Variants in DRAM2 observed in about 807,000 individuals in gnomAD.
The protein encoded by DRAM2 is DNA damage-regulated autophagy modulator protein 2.
A neutral mutation model predicts 33.5 loss-of-function variants in DRAM2; 26 were observed. That is an observed-to-expected ratio of 0.78 (90% confidence interval 0.57 to 1.08). The LOEUF is 1.08. Among genes scored for constraint, DRAM2 ranks in the 50% least tolerant of loss-of-function variants. The pLI is 0.00. For missense variants in DRAM2, 311 were observed against 318.1 expected (o/e 0.98, Z 0.17); for synonymous variants, 98 against 109.5 (o/e 0.89, Z 0.66).
Position 111,137,158 on chromosome 1 carries a change from CAGG to C in DRAM2, c.-15+362_-15+364del, listed in dbSNP as rs1472498200. 2.1e-5 allele frequency among the ~76,000 whole-genome samples: 3 copies of C among 146,298 alleles called. No individual in the cohort carries two copies. The East Asian group carries it at 6.0e-4, about 29-fold the overall frequency. Reference sequence around the variant, plus strand: ...GTCCCAGCTACTCGGGACGCTGAGGCAGGAGAATGGTGTGAACCCCGGGGGGCG... The same window carrying C: ...GTCCCAGCTACTCGGGACGCTGAGGCAGAATGGTGTGAACCCCGGGGGGCG... On this transcript the variant is annotated intron_variant, in intron 3 of 9. Coordinates refer to ENST00000484310, the MANE Select transcript of DRAM2 (RefSeq NM_001349884.2).
intron 7 of DRAM2, among the ~76,000 whole-genome samples, 192 bp from the exon 8 acceptor site, chr1:111,120,151 C>A (rs1256606756): frequency 6.6e-6 from 1 of 151,848 alleles, no homozygotes; most frequent in African/African-American, 2.4e-5. Flanking sequence ...CAAAATGGTT[C>A]TCACAGTCAA....
chr1:111,136,846 C>A (rs1039088396), intron 3 of DRAM2, among the ~76,000 whole-genome samples: 1 of 151,730 alleles, frequency 6.6e-6, no homozygotes, highest in African/African-American at 2.4e-5. Context: ...TGATGGCAGG[C>A]GCCTGTAGTC....
chr1:111,127,951 A>G (rs1052541864), intron 4 of DRAM2: 1 of 152,220 alleles, frequency 6.6e-6, no homozygotes, highest in African/African-American at 2.4e-5. Context: ...GATTAAAAAT[A>G]TACATAGATG....
rs1264928233 is a variant in DRAM2, at chr1:111,120,711, G to A, written c.340-18C>T. ...GTTGTTTTCTGAGAGATAGAGAGAA[G>A]AAATACGTCAATAAAAGAAACTCAG... On this transcript the variant is annotated intron_variant, in intron 6 of 9. Transcript: ENST00000484310. 7.5e-6 allele frequency: 11 copies of A among 1,459,140 alleles called. No homozygotes were observed. Among genetic ancestry groups the A allele is most frequent in the African/African-American group, 1.5e-5 (1 of 68,556 alleles). 90.4% of individuals were successfully genotyped at this position (1,459,140 alleles called of 1,614,324 possible).
intron 2 of DRAM2, among the ~76,000 whole-genome samples, 168 bp from the exon 3 acceptor site, chr1:111,137,754 A>G (rs925415545): frequency 2.0e-5 from 3 of 150,772 alleles, no homozygotes; most frequent in African/African-American, 7.4e-5. Flanking sequence ...GTTTTTTACA[A>G]TGATGTTGTA....
intron 6 of DRAM2, among the ~76,000 whole-genome samples, chr1:111,124,009 G>C (rs12083205): frequency 7.6e-4 from 116 of 152,170 alleles, no homozygotes; most frequent in Middle Eastern, 3.4e-3. Context: ...TTCTTTTATA[G>C]CACACAAAAC....
At chr1:111,118,958 T>C in intron 8 of DRAM2, 61 bp from the exon 9 acceptor site, 2 of 1,133,066 alleles carry the variant, frequency 1.8e-6, no homozygotes, top group Non-Finnish European at 1.2e-6. Flanking sequence ...CTATATACTA[T>C]GTTTCAAATA....
chr1:111,127,567 G>A (rs113442368), intron 4 of DRAM2, among the ~76,000 whole-genome samples: 1 of 151,960 alleles, frequency 6.6e-6, no homozygotes, highest in African/African-American at 2.4e-5. Context: ...AAAAGATTTT[G>A]GTACTCTTTG....
intron 6 of DRAM2, among the ~76,000 whole-genome samples, chr1:111,121,221 A>C (rs1649994173): frequency 6.6e-6 from 1 of 152,126 alleles, no homozygotes; most frequent in Non-Finnish European, 1.5e-5. Flanking sequence ...TTAACTGTAA[A>C]TAAAATTTAA....
chr1:111,134,138 G>A (rs187904038), intron 3 of DRAM2, among the ~76,000 whole-genome samples: 289 of 152,238 alleles, frequency 1.9e-3, no homozygotes, highest in Non-Finnish European at 3.1e-3. Flanking sequence ...TCCAGATTAA[G>A]GATGTTGTTA....
chr1:111,129,612 G>T (rs1430200582), intron 4 of DRAM2, among the ~76,000 whole-genome samples: 1 of 152,026 alleles, frequency 6.6e-6, no homozygotes, highest in Non-Finnish European at 1.5e-5. Flanking sequence ...AATGTCAAAT[G>T]AAAAATGTAG....
At chr1:111,123,073 C>G (rs577711276) in intron 6 of DRAM2, among the ~76,000 whole-genome samples, 20 of 152,136 alleles carry the variant, frequency 1.3e-4, no homozygotes, top group Non-Finnish European at 2.2e-4. Context: ...TTAAATTGAC[C>G]AAGAGACAGA....
intron 3 of DRAM2, among the ~76,000 whole-genome samples, chr1:111,132,972 G>A (rs1442035170): frequency 6.6e-6 from 1 of 151,920 alleles, no homozygotes; most frequent in African/African-American, 2.4e-5. Flanking sequence ...GAGCCACCCA[G>A]CCAGCCTAGT....
chr1:111,139,033 G>C (rs1653918035), intron 2 of DRAM2: 1 of 152,150 alleles, frequency 6.6e-6, no homozygotes, highest in South Asian at 2.1e-4. Context: ...GAACCATCAG[G>C]CTCAAATCAA....
rs1253794423 is a variant in DRAM2, at chr1:111,131,374, T to C, written c.131+50A>G. On this transcript the variant is annotated intron_variant, in intron 4 of 9. Transcript: ENST00000484310. Reference sequence around the variant, plus strand: ...TTAAATGTTGACTTCAATGTTAAAATAAGAATGAGACATAAAGAGTCTCCT... The same window carrying C: ...TTAAATGTTGACTTCAATGTTAAAACAAGAATGAGACATAAAGAGTCTCCT... 5 of 1,520,372 alleles carry C rather than the reference T, an allele frequency of 3.3e-6. No homozygotes were observed. The Admixed American group carries it at 8.3e-5, about 25-fold the overall frequency. 94.2% of individuals were successfully genotyped at this position (1,520,372 alleles called of 1,614,324 possible). A position where few individuals can be genotyped will look rare whatever the true frequency, so the allele number is the denominator to read the frequency against.
At chr1:111,130,212 A>G (rs1322726606) in intron 4 of DRAM2, among the ~76,000 whole-genome samples, 1 of 152,186 alleles carries the variant, frequency 6.6e-6, no homozygotes, top group East Asian at 1.9e-4. Context: ...TAGGCAGCAT[A>G]AAAAGTAAGA....
At position 111,117,852 on chromosome 1, in the gene DRAM2, CTGAT is replaced by C. The variant is rs1354651424; in HGVS notation, c.*304_*307del. On this transcript the variant is annotated 3_prime_UTR_variant, in exon 10 of 10. Coordinates refer to ENST00000484310, the MANE Select transcript of DRAM2 (RefSeq NM_001349884.2). ...AATGTGAAGGGTTGGGATGTGCAGA[CTGAT>C]TGGTGCACGTCAGGTTGTTTCTCTT... 1.3e-5 allele frequency: 4 copies of C among 300,542 alleles called. No homozygotes were observed. Among genetic ancestry groups the C allele is most frequent in the Non-Finnish European group, 2.5e-5 (4 of 158,938 alleles). 18.6% of individuals were successfully genotyped at this position (300,542 alleles called of 1,614,324 possible). A position where few individuals can be genotyped will look rare whatever the true frequency, so the allele number is the denominator to read the frequency against.
At chr1:111,136,108 A>G (rs1390953347) in intron 3 of DRAM2, among the ~76,000 whole-genome samples, 2 of 152,174 alleles carry the variant, frequency 1.3e-5, no homozygotes, top group East Asian at 1.9e-4. Context: ...CTGACTTTCA[A>G]TTCTCTTGGC....
chr1:111,119,578 A>C (rs1169740642), intron 8 of DRAM2: 2 of 257,220 alleles, frequency 7.8e-6, no homozygotes, highest in Non-Finnish European at 1.5e-5. Context: ...TCAAAACATA[A>C]ATGATCTCGG....
Sources: allele counts gnomAD v4.1 joint callset (sites outside exome capture counted in the v4.1 genomes callset), GRCh38; gene constraint gnomAD v4.1.1; transcripts MANE v1.5; gene names NCBI Gene and HGNC (gene_info 2026-07-23, HGNC 2026-07-21).